The following PIRT variants were observed in gnomAD, a reference collection of about 807,000 sequenced individuals.
PIRT encodes phosphoinositide-interacting protein.
A neutral mutation model predicts 7.9 loss-of-function variants in PIRT; 6 were observed. The observed-to-expected ratio is 0.76, with a 90% CI of 0.42 to 1.51. The LOEUF is 1.51. Ranked by LOEUF, PIRT falls within the 40% of genes most tolerant of loss-of-function variation. The probability of loss-of-function intolerance (pLI) is 0.01; values close to 1 mark genes in which losing one functional copy is unlikely to be tolerated. For synonymous variants in PIRT, 78 were observed against 71.8 expected, an observed-to-expected ratio of 1.09 and a Z score of -0.44; for missense variants, 170 against 172.9, an observed-to-expected ratio of 0.98 and a Z score of 0.09.
intron 1 of PIRT, among the ~76,000 whole-genome samples, chr17:10,827,926 G>A (rs539234486): frequency 7.2e-5 from 11 of 152,302 alleles, no homozygotes; most frequent in African/African-American, 2.6e-4. Flanking sequence ...CCTGCCTGGA[G>A]GTTTCACAAA....
chr17:10,825,724 C>T lies in PIRT; in HGVS notation c.-79G>A. Reference sequence around the variant, plus strand: ...GCCAAAGGAATCCTCACACACCCTTCCTGTACTCAGCATCCATCTCTAGCC... The same window carrying T: ...GCCAAAGGAATCCTCACACACCCTTTCTGTACTCAGCATCCATCTCTAGCC... On this transcript the variant is annotated 5_prime_UTR_variant, in exon 2 of 2. Transcript: ENST00000580256. 7.3e-7 allele frequency: 1 copy of T among 1,373,206 alleles called. No individual in the cohort carries two copies. The highest frequency in any genetic ancestry group is 9.6e-7 in the Non-Finnish European group (1 of 1,045,784). The allele number at this position is 1,373,206 out of a possible 1,614,324, so 85.1% of individuals were successfully genotyped here. A position where few individuals can be genotyped will look rare whatever the true frequency, so the allele number is the denominator to read the frequency against.
rs1002253703 is a variant in PIRT, at chr17:10,822,831, C to A, written c.*2401G>T. On this transcript the variant is annotated 3_prime_UTR_variant, in exon 2 of 2. Transcript: ENST00000580256. ...GGGATGACGATGTTTGGGGATATTT[C>A]CTCATATTCTCTTTGCTGAGAAACT... The A allele has an allele frequency of 6.6e-6, 1 of 152,162 alleles. No individual in the cohort carries two copies. Among genetic ancestry groups the A allele is most frequent in the Non-Finnish European group, 1.5e-5 (1 of 68,054 alleles). The allele number at this position is 152,162 out of a possible 1,614,324, so 9.4% of individuals were successfully genotyped here.
intron 1 of PIRT, among the ~76,000 whole-genome samples, chr17:10,827,478 T>C (rs1265543747): frequency 1.1e-4 from 14 of 131,798 alleles, no homozygotes; most frequent in African/African-American, 3.8e-4. Flanking sequence ...TTTTTTTTTT[T>C]TTTTTTTTTT....
intron 1 of PIRT, among the ~76,000 whole-genome samples, chr17:10,836,307 A>G (rs962409738): frequency 2.0e-5 from 3 of 151,962 alleles, no homozygotes; most frequent in Non-Finnish European, 4.4e-5. Context: ...ACACCTGTAC[A>G]TCTCCACCTC....
At chr17:10,832,616 T>A (rs1337921352) in intron 1 of PIRT, among the ~76,000 whole-genome samples, 2 of 152,214 alleles carry the variant, frequency 1.3e-5, no homozygotes, top group Non-Finnish European at 2.9e-5. Flanking sequence ...ACAAAGACAA[T>A]TAAAAGATAT....
chr17:10,832,730 G>A (rs920498724), intron 1 of PIRT, among the ~76,000 whole-genome samples: 4 of 152,212 alleles, frequency 2.6e-5, no homozygotes, highest in Admixed American at 6.5e-5. Context: ...ACTTGGATAC[G>A]TCTCAGCCTC....
chr17:10,827,465 CTT>C (rs546105685), intron 1 of PIRT, among the ~76,000 whole-genome samples: 388 of 56,274 alleles, frequency 6.9e-3, no homozygotes, highest in Non-Finnish European at 9.3e-3. Context: ...TTTTTCTTTT[CTT>C]TTTTTTTTTT....
intron 1 of PIRT, among the ~76,000 whole-genome samples, chr17:10,832,452 C>T (rs1905485398): frequency 6.6e-6 from 1 of 152,126 alleles, no homozygotes; most frequent in South Asian, 2.1e-4. Context: ...CTCAGCCTCC[C>T]AAAATGCTGG....
chr17:10,824,171 A>G lies in PIRT; in HGVS notation c.*1061T>C, dbSNP rs1184535844. 6.6e-6 allele frequency: 1 copy of G among 152,278 alleles called. No individual in the cohort carries two copies. The highest frequency in any genetic ancestry group is 2.4e-5 in the African/African-American group (1 of 41,470). 9.4% of individuals were successfully genotyped at this position (152,278 alleles called of 1,614,324 possible). A position where few individuals can be genotyped will look rare whatever the true frequency, so the allele number is the denominator to read the frequency against. On this transcript the variant is annotated 3_prime_UTR_variant, in exon 2 of 2. Coordinates refer to ENST00000580256, the MANE Select transcript of PIRT (RefSeq NM_001101387.2). ...CTCTCACCTCGGGAAGCAAGAAGAC[A>G]TCAGGGACCGTGTCTTGCCCCCAGC...
intron 1 of PIRT, among the ~76,000 whole-genome samples, chr17:10,832,828 T>A (rs1429898264): frequency 2.6e-5 from 4 of 152,144 alleles, no homozygotes; most frequent in Non-Finnish European, 4.4e-5. Context: ...AGCACTGGTT[T>A]TCCCTAGGTA....
intron 1 of PIRT, among the ~76,000 whole-genome samples, chr17:10,831,107 C>A (rs776057932): frequency 6.6e-6 from 1 of 152,168 alleles, no homozygotes; most frequent in Non-Finnish European, 1.5e-5. Flanking sequence ...CCCCATGGCA[C>A]CTGGCTCACA....
In PIRT at chr17:10,823,736, G is replaced by A. The variant is rs1309314150; in HGVS notation, c.*1496C>T. ...CAGGGAGTTACAGAAGCACTTCTCA[G>A]GGACTCTTTGCTTGCCAGGCCCTCT... On this transcript the variant is annotated 3_prime_UTR_variant, in exon 2 of 2. Transcript: ENST00000580256. The A allele has an allele frequency of 6.6e-6, 1 of 152,194 alleles. No individual in the cohort carries two copies. The highest frequency in any genetic ancestry group is 1.5e-5 in the Non-Finnish European group (1 of 68,072). The allele number at this position is 152,194 out of a possible 1,614,324, so 9.4% of individuals were successfully genotyped here.
chr17:10,837,339 G>A (rs1303311882), intron 1 of PIRT, among the ~76,000 whole-genome samples: 1 of 152,238 alleles, frequency 6.6e-6, no homozygotes, highest in Non-Finnish European at 1.5e-5. Flanking sequence ...GTCCGTGTTT[G>A]CATGTGCCTG....
chr17:10,825,840 T>C (rs751964263), intron 1 of PIRT, 57 bp from the exon 2 acceptor site: 2 of 459,656 alleles, frequency 4.4e-6, no homozygotes, highest in Non-Finnish European at 7.4e-6. Context: ...CCACCCAAGC[T>C]GGTATAATTT....
intron 1 of PIRT, among the ~76,000 whole-genome samples, chr17:10,830,654 T>A (rs1317630381): frequency 6.6e-6 from 1 of 152,232 alleles, no homozygotes; most frequent in Non-Finnish European, 1.5e-5. Context: ...TTCTTAGCTA[T>A]TTCAGATAAG....
rs1597586059 is a variant in PIRT at position 10,823,727 on chromosome 17, C to G, written c.*1505G>C. 6.6e-6 allele frequency: 1 copy of G among 152,254 alleles called. No homozygotes were observed. Among genetic ancestry groups the G allele is most frequent in the African/African-American group, 2.4e-5 (1 of 41,450 alleles). 9.4% of individuals were successfully genotyped at this position (152,254 alleles called of 1,614,324 possible). ...TGGTTGCCACAGGGAGTTACAGAAG[C>G]ACTTCTCAGGGACTCTTTGCTTGCC... On this transcript the variant is annotated 3_prime_UTR_variant, in exon 2 of 2. Coordinates refer to ENST00000580256, the MANE Select transcript of PIRT (RefSeq NM_001101387.2).
chr17:10,835,213 A>G (rs1040951431), intron 1 of PIRT, among the ~76,000 whole-genome samples: 1 of 152,180 alleles, frequency 6.6e-6, no homozygotes, highest in Non-Finnish European at 1.5e-5. Flanking sequence ...TCCAAAGCCA[A>G]AGAAGCCATG....
intron 1 of PIRT, among the ~76,000 whole-genome samples, chr17:10,831,409 A>G (rs1357054421): frequency 6.6e-6 from 1 of 152,210 alleles, no homozygotes; most frequent in Non-Finnish European, 1.5e-5. Context: ...ATCCTGAGTG[A>G]GAGTGGGTTC....
At chr17:10,835,613 G>A (rs59416509) in intron 1 of PIRT, among the ~76,000 whole-genome samples, 1 of 152,208 alleles carries the variant, frequency 6.6e-6, no homozygotes, top group Non-Finnish European at 1.5e-5. Context: ...CAGAACTGCA[G>A]CCTTGGCTGA....
Sources: allele counts gnomAD v4.1 joint callset (sites outside exome capture counted in the v4.1 genomes callset), GRCh38; gene constraint gnomAD v4.1.1; transcripts MANE v1.5; gene names NCBI Gene and HGNC (gene_info 2026-07-23, HGNC 2026-07-21).